GPBP1: variants seen among roughly 807,000 people sequenced by gnomAD.
The protein encoded by GPBP1 is GC-rich promoter binding protein 1.
In GPBP1, 13 loss-of-function variants were observed where a neutral mutation model predicts 56.5. The observed-to-expected ratio is 0.23, with a 90% CI of 0.15 to 0.37. GPBP1 has a LOEUF of 0.37. Among genes scored for constraint, GPBP1 ranks in the 10% least tolerant of loss-of-function variants. The pLI is 1.00. For missense variants in GPBP1, 477 were observed against 572.3 expected, an observed-to-expected ratio of 0.83 and a Z score of 1.70; for synonymous variants, 204 against 188.9, an observed-to-expected ratio of 1.08 and a Z score of -0.66.
chr5:57,182,865 T>TAG (rs962937472), intron 2 of GPBP1, among the ~76,000 whole-genome samples: 7 of 152,068 alleles, frequency 4.6e-5, no homozygotes, highest in Admixed American at 2.0e-4. Flanking sequence ...TTTTATTTTG[T>TAG]AGAGAGAGAG....
At chr5:57,183,839 A>G (rs1754172127) in intron 2 of GPBP1, among the ~76,000 whole-genome samples, 1 of 143,912 alleles carries the variant, frequency 6.9e-6, no homozygotes, top group Middle Eastern at 3.8e-3. Context: ...TGGTGCCATC[A>G]CAGTTTGCTG....
In GPBP1 at chr5:57,175,771, C is replaced by G. The variant is rs1753768006; in HGVS notation, c.-687C>G. On this transcript the variant is annotated 5_prime_UTR_variant, in exon 2 of 12. Transcript: ENST00000506184. Reference sequence around the variant, plus strand: ...GGGTTCTTCAGCCGAAACTGAGAGACGTTGATTTGTGTACTGAGTAGTTTC... The same window carrying G: ...GGGTTCTTCAGCCGAAACTGAGAGAGGTTGATTTGTGTACTGAGTAGTTTC... The G allele has an allele frequency of 7.6e-6, 3 of 396,520 alleles. No homozygotes were observed. Among genetic ancestry groups the G allele is most frequent in the Non-Finnish European group, 8.9e-6 (2 of 225,404 alleles). 24.6% of individuals were successfully genotyped at this position (396,520 alleles called of 1,614,324 possible).
intron 10 of GPBP1, among the ~76,000 whole-genome samples, chr5:57,256,384 GTA>G (rs1463167945): frequency 2.7e-5 from 4 of 148,810 alleles, no homozygotes; most frequent in African/African-American, 7.3e-5. Context: ...GATTATTTTA[GTA>G]TATATGTTTT....
intron 5 of GPBP1, among the ~76,000 whole-genome samples, chr5:57,231,805 T>C (rs1184166722): frequency 6.6e-6 from 1 of 152,156 alleles, no homozygotes; most frequent in Non-Finnish European, 1.5e-5. Flanking sequence ...CATACTGGAT[T>C]GAGATAGGCA....
intron 2 of GPBP1, among the ~76,000 whole-genome samples, chr5:57,210,674 A>C (rs952554308): frequency 6.6e-5 from 10 of 152,326 alleles, no homozygotes; most frequent in Middle Eastern, 3.4e-3. Flanking sequence ...GCCATAACCA[A>C]ATACCACAGA....
intron 10 of GPBP1, among the ~76,000 whole-genome samples, chr5:57,253,513 A>C (rs993277495): frequency 3.9e-5 from 6 of 152,284 alleles, no homozygotes; most frequent in African/African-American, 1.4e-4. Context: ...CTTCTATTTT[A>C]ATTAAGAACA....
chr5:57,200,679 A>G (rs1469858830), intron 2 of GPBP1, among the ~76,000 whole-genome samples: 1 of 150,704 alleles, frequency 6.6e-6, no homozygotes, highest in Non-Finnish European at 1.5e-5. Flanking sequence ...AAAATTTTAA[A>G]TAACAAAACT....
At chr5:57,231,728 A>G (rs1327889924) in intron 5 of GPBP1, among the ~76,000 whole-genome samples, 4 of 151,808 alleles carry the variant, frequency 2.6e-5, no homozygotes, top group Non-Finnish European at 5.9e-5. Context: ...TTATATATTC[A>G]TTGTCAATTC....
At chr5:57,257,406 A>G (rs868038471) in intron 10 of GPBP1, among the ~76,000 whole-genome samples, 1 of 152,158 alleles carries the variant, frequency 6.6e-6, no homozygotes, top group African/African-American at 2.4e-5. Context: ...AGGCACATAG[A>G]TCATTCTTAG....
intron 6 of GPBP1, chr5:57,236,952 G>C: frequency 1.6e-6 from 1 of 608,634 alleles, no homozygotes. Flanking sequence ...TTGTATGTAT[G>C]AGGTGAAACT....
chr5:57,236,857 A>G (rs1415377692), intron 6 of GPBP1, among the ~76,000 whole-genome samples: 3 of 152,012 alleles, frequency 2.0e-5, no homozygotes, highest in Non-Finnish European at 4.4e-5. Flanking sequence ...TCAACTCACT[A>G]AAACAAAAGG....
chr5:57,214,123 G>A lies in GPBP1; in HGVS notation c.-8G>A. On this transcript the variant is annotated 5_prime_UTR_variant, in exon 3 of 12. Transcript: ENST00000506184. ...CTTGTTTCACTGAGTTGGAGAGACT[G>A]GACCTAAATGGCGCAGCATGACTTT... 6.2e-7 allele frequency: 1 copy of A among 1,613,004 alleles called. No homozygotes were observed. The highest frequency in any genetic ancestry group is 8.5e-7 in the Non-Finnish European group (1 of 1,178,988).
intron 6 of GPBP1, among the ~76,000 whole-genome samples, chr5:57,236,473 A>G (rs1462503834): frequency 6.6e-6 from 1 of 152,200 alleles, no homozygotes; most frequent in African/African-American, 2.4e-5. Context: ...ATATATACAC[A>G]TATATGTATA....
At chr5:57,196,379 TTTG>T (rs1754749239) in intron 2 of GPBP1, among the ~76,000 whole-genome samples, 1 of 152,022 alleles carries the variant, frequency 6.6e-6, no homozygotes, top group Non-Finnish European at 1.5e-5. Flanking sequence ...ATGGAATTAA[TTTG>T]TTATCAAATT....
intron 2 of GPBP1, among the ~76,000 whole-genome samples, chr5:57,190,271 T>C (rs186303075): frequency 9.2e-5 from 14 of 152,036 alleles, no homozygotes; most frequent in Admixed American, 2.6e-4. Flanking sequence ...GAGGGTTGAT[T>C]TGTTGTCATG....
intron 2 of GPBP1, among the ~76,000 whole-genome samples, chr5:57,179,032 T>G (rs893696386): frequency 2.6e-5 from 4 of 152,114 alleles, no homozygotes; most frequent in African/African-American, 9.7e-5. Flanking sequence ...ATGAGAAAAT[T>G]AGGATTTAGG....
chr5:57,210,762 G>A (rs142908370), intron 2 of GPBP1, among the ~76,000 whole-genome samples: 5 of 152,274 alleles, frequency 3.3e-5, no homozygotes, highest in African/African-American at 9.6e-5. Context: ...TCAGCAGAGG[G>A]TTGGTTGCCT....
chr5:57,178,765 T>C (rs969010205), intron 2 of GPBP1, among the ~76,000 whole-genome samples: 2 of 152,238 alleles, frequency 1.3e-5, no homozygotes, highest in Admixed American at 1.3e-4. Context: ...TTGGAATAAA[T>C]AGTTGCATCC....
At chr5:57,184,614 G>A (rs1347331976) in intron 2 of GPBP1, among the ~76,000 whole-genome samples, 1 of 152,154 alleles carries the variant, frequency 6.6e-6, no homozygotes, top group East Asian at 1.9e-4. Flanking sequence ...CCTGGCACTA[G>A]GTGCCGCCTT....
Sources: allele counts gnomAD v4.1 joint callset (sites outside exome capture counted in the v4.1 genomes callset), GRCh38; gene constraint gnomAD v4.1.1; transcripts MANE v1.5; gene names NCBI Gene and HGNC (gene_info 2026-07-23, HGNC 2026-07-21).